XIRP2: variants seen among roughly 807,000 people sequenced by gnomAD.
XIRP2 encodes the protein xin actin binding repeat containing 2, also known as xin actin-binding repeat-containing protein 2.
A neutral mutation model predicts 277.0 loss-of-function variants in XIRP2; 236 were observed. The ratio of observed to expected loss-of-function variants is 0.85; its 90% confidence interval spans 0.77 to 0.95. The LOEUF (loss-of-function observed/expected upper bound fraction) is 0.95, where lower values mean the gene tolerates loss of function less well. Ranked by LOEUF, XIRP2 falls within the 40% of genes least tolerant of loss-of-function variation. The pLI, the probability that XIRP2 is intolerant of heterozygous loss-of-function variation, is 0.00. For missense variants in XIRP2, 4,640 were observed against 4,157.5 expected (o/e 1.12, Z -3.19); for synonymous variants, 1,490 against 1,416.5 (o/e 1.05, Z -1.17).
Position 167,248,537 on chromosome 2 carries a change from C to A in XIRP2, c.7145C>A (p.Ser2382Tyr), listed in dbSNP as rs377597267. ...CAAAAGCCAGCACATCTCCTTTCCTCCTCTGCTCCGGAAAAGCACAGTGGA... is the reference window on the plus strand; with the variant it reads ...CAAAAGCCAGCACATCTCCTTTCCTACTCTGCTCCGGAAAAGCACAGTGGA... ...PSQKPAHLLS[S>Y]SAPEKHSGDF... The change falls in exon 9 of 11, where the codon TCC becomes TAC. Residue 2382 changes from serine to tyrosine, a missense_variant. Coordinates refer to ENST00000409195, the MANE Select transcript of XIRP2 (RefSeq NM_152381.6). The A allele has an allele frequency of 7.4e-6, 12 of 1,613,646 alleles. No individual in the cohort carries two copies. The African/African-American group carries it at 1.2e-4, about 16-fold the overall frequency.
rs561250907 is a variant in XIRP2 at position 167,240,265 on chromosome 2, G to A, written c.969+300G>A. ...TGTCTCTACTAAAAATACAAAAAAA[G>A]TTAGCCAGGTGTGCTGGTATGTGCC... On this transcript the variant is annotated intron_variant, in intron 6 of 10. Coordinates refer to ENST00000409195, the MANE Select transcript of XIRP2 (RefSeq NM_152381.6). 2.0e-5 allele frequency among the ~76,000 whole-genome samples: 3 copies of A among 151,998 alleles called. No homozygotes were observed. The East Asian group carries it at 5.8e-4, about 30-fold the overall frequency.
At chr2:167,119,683 C>T (rs893541920) in intron 2 of XIRP2, among the ~76,000 whole-genome samples, 2 of 152,156 alleles carry the variant, frequency 1.3e-5, no homozygotes, top group African/African-American at 4.8e-5. Context: ...GCATGATGCC[C>T]ACAATTGCTC....
intron 3 of XIRP2, among the ~76,000 whole-genome samples, chr2:167,208,560 G>A (rs1189486933): frequency 6.6e-6 from 1 of 152,076 alleles, no homozygotes; most frequent in African/African-American, 2.4e-5. Context: ...TGCCCGTCTC[G>A]GCCTCCCAGA....
intron 3 of XIRP2, among the ~76,000 whole-genome samples, chr2:167,193,111 A>G (rs1693396903): frequency 6.6e-6 from 1 of 152,196 alleles, no homozygotes; most frequent in Non-Finnish European, 1.5e-5. Context: ...TTTCAGGGAA[A>G]TGAAATTTGG....
chr2:167,137,073 T>C (rs547512626), intron 3 of XIRP2, among the ~76,000 whole-genome samples: 1 of 152,270 alleles, frequency 6.6e-6, no homozygotes, highest in South Asian at 2.1e-4. Flanking sequence ...CATGTGCACA[T>C]TAAAGTTTGA....
At chr2:167,211,297 A>C (rs1036505825) in intron 4 of XIRP2, among the ~76,000 whole-genome samples, 1 of 151,992 alleles carries the variant, frequency 6.6e-6, no homozygotes, top group Non-Finnish European at 1.5e-5. Flanking sequence ...GGATTTCACC[A>C]TGTTGGCCAG....
At chr2:166,989,172 C>T (rs1488979622) in intron 2 of XIRP2, among the ~76,000 whole-genome samples, 3 of 114,386 alleles carry the variant, frequency 2.6e-5, no homozygotes, top group African/African-American at 8.3e-5. Flanking sequence ...CCCCTAACCC[C>T]CGAGCAGCCT....
At position 167,259,292 on chromosome 2, in the gene XIRP2, G is replaced by C. The variant is rs1217033212; in HGVS notation, c.*1475G>C. On this transcript the variant is annotated 3_prime_UTR_variant, in exon 11 of 11. Transcript: ENST00000409195. ...AGCTAAGCCTTTGTTTCCCAGAGTG[G>C]AGGTGCAGTCAGAACAACTCACGGT... 4 of 1,613,120 alleles carry C rather than the reference G, an allele frequency of 2.5e-6. No individual in the cohort carries two copies. The highest frequency in any genetic ancestry group is 2.5e-6 in the Non-Finnish European group (3 of 1,179,584).
intron 2 of XIRP2, among the ~76,000 whole-genome samples, chr2:166,955,289 G>A (rs1000456186): frequency 4.0e-5 from 6 of 151,688 alleles, no homozygotes; most frequent in Non-Finnish European, 8.8e-5. Flanking sequence ...AAAACCCTAT[G>A]CTAAGTGAAA....
chr2:166,974,196 G>A (rs1270500143), intron 2 of XIRP2, among the ~76,000 whole-genome samples: 1 of 152,134 alleles, frequency 6.6e-6, no homozygotes, highest in Non-Finnish European at 1.5e-5. Context: ...TGTTTGGAAA[G>A]AGGCAAAGAG....
intron 2 of XIRP2, among the ~76,000 whole-genome samples, chr2:167,105,691 G>A (rs1690599379): frequency 6.6e-6 from 1 of 151,760 alleles, no homozygotes; most frequent in South Asian, 2.1e-4. Context: ...TGCAGTTAGG[G>A]GGAGCGTATG....
intron 3 of XIRP2, among the ~76,000 whole-genome samples, chr2:167,181,602 CA>C (rs199550174): frequency 0.016 from 2,462 of 151,904 alleles, 72 homozygotes; most frequent in African/African-American, 0.057. Flanking sequence ...TTTTTTTTAA[CA>C]AGGAAGCTTC....
chr2:167,045,739 C>A (rs945623567), intron 2 of XIRP2, among the ~76,000 whole-genome samples: 1 of 151,682 alleles, frequency 6.6e-6, no homozygotes, highest in Non-Finnish European at 1.5e-5. Context: ...AAATACATGT[C>A]GGCAAGGAGA....
chr2:167,250,171 T>G lies in XIRP2; in HGVS notation c.8779T>G (p.Phe2927Val). The G allele has an allele frequency of 6.2e-7, 1 of 1,613,470 alleles. No individual in the cohort carries two copies. ...KQEITQNKSF[F>V]SSVKESQRDD... ...AGAGATTACACAGAACAAATCTTTC[T>G]TTTCCTCTGTGAAAGAATCCCAGCG... is the stretch of plus-strand genomic sequence containing the variant. Residue 2927 changes from phenylalanine to valine, a missense_variant, in exon 9 of 11, where the codon TTT becomes GTT. By Grantham distance (50) the Phe-to-Val change is conservative (BLOSUM62 -1). Coordinates refer to ENST00000409195, the MANE Select transcript of XIRP2 (RefSeq NM_152381.6).
intron 2 of XIRP2, among the ~76,000 whole-genome samples, chr2:167,102,374 A>G (rs1004242939): frequency 1.3e-5 from 2 of 152,224 alleles, no homozygotes; most frequent in Non-Finnish European, 2.9e-5. Flanking sequence ...ATCTCTTAAC[A>G]TGGCCATGTG....
At chr2:167,201,287 A>AGGAG (rs1329901687) in intron 3 of XIRP2, among the ~76,000 whole-genome samples, 63 of 148,964 alleles carry the variant, frequency 4.2e-4, no homozygotes, top group Admixed American at 9.4e-4. Flanking sequence ...GAAAGAAGGA[A>AGGAG]GGAGGGAGGG....
chr2:166,922,820 CTTT>C (rs201750485), intron 2 of XIRP2, among the ~76,000 whole-genome samples: 1 of 138,366 alleles, frequency 7.2e-6, no homozygotes, highest in Admixed American at 7.3e-5. Context: ...TCTTTCCTTC[CTTT>C]TTTTTTTTTT....
intron 2 of XIRP2, among the ~76,000 whole-genome samples, chr2:166,933,588 A>C (rs567783268): frequency 3.2e-4 from 48 of 152,214 alleles, no homozygotes; most frequent in Middle Eastern, 6.8e-3. Flanking sequence ...CAAAAAAAAA[A>C]AATTGATATA....
intron 2 of XIRP2, among the ~76,000 whole-genome samples, chr2:167,085,432 G>T (rs965801553): frequency 2.0e-5 from 3 of 151,092 alleles, no homozygotes; most frequent in African/African-American, 7.3e-5. Flanking sequence ...GATTTGGGGT[G>T]GAGAGTTCTG....
Sources: gnomAD v4.1 joint callset for allele counts (sites outside exome capture counted in the v4.1 genomes callset) on GRCh38, gnomAD v4.1.1 for gene constraint, MANE v1.5 for transcripts, NCBI Gene and HGNC (gene_info 2026-07-23, HGNC 2026-07-21) for gene names.